The following RUNX1 variants were observed in gnomAD, a reference collection of about 807,000 sequenced individuals.
The protein encoded by RUNX1 is runt-related transcription factor 1.
A neutral mutation model predicts 42.8 loss-of-function variants in RUNX1; 19 were observed. That is an observed-to-expected ratio of 0.44 (90% CI 0.31 to 0.65). The LOEUF is 0.65. RUNX1 is among the 30% of genes least tolerant of loss of function. The pLI is 0.07. For missense variants in RUNX1, 528 were observed against 672.0 expected (o/e 0.79, Z 2.37); for synonymous variants, 271 against 289.4 (o/e 0.94, Z 0.64).
intron 3 of RUNX1, among the ~76,000 whole-genome samples, chr21:34,889,248 G>A (rs943046926): frequency 2.0e-5 from 3 of 152,064 alleles, no homozygotes; most frequent in Non-Finnish European, 4.4e-5. Context: ...GCGGGGCCCG[G>A]GGGAGCCACT....
intron 2 of RUNX1, among the ~76,000 whole-genome samples, chr21:35,026,382 A>G (rs1456638389): frequency 6.6e-6 from 1 of 152,190 alleles, no homozygotes; most frequent in Non-Finnish European, 1.5e-5. Flanking sequence ...ATTGATAATT[A>G]GTTATTCACC....
At chr21:34,982,434 AAG>A (rs2058853866) in intron 2 of RUNX1, among the ~76,000 whole-genome samples, 1 of 127,760 alleles carries the variant, frequency 7.8e-6, no homozygotes, top group East Asian at 2.2e-4. Context: ...AAGAAAGAGA[AAG>A]AAAGGGAAGG....
At chr21:34,847,118 T>C (rs2057328930) in intron 6 of RUNX1, among the ~76,000 whole-genome samples, 1 of 152,210 alleles carries the variant, frequency 6.6e-6, no homozygotes, top group African/African-American at 2.4e-5. Context: ...GAGCATTTCA[T>C]TGAAAGAAAA....
chr21:34,870,845 C>G (rs1472883345), intron 5 of RUNX1, among the ~76,000 whole-genome samples: 6 of 152,138 alleles, frequency 3.9e-5, no homozygotes, highest in Non-Finnish European at 8.8e-5. Context: ...GTAATCCCAG[C>G]TACTTGGGAG....
intron 2 of RUNX1, among the ~76,000 whole-genome samples, chr21:34,950,810 T>C (rs1296611394): frequency 6.6e-6 from 1 of 152,234 alleles, no homozygotes; most frequent in East Asian, 1.9e-4. Context: ...AGAGTACCTG[T>C]GGATGGCCCC....
chr21:34,979,212 A>C (rs1314817623), intron 2 of RUNX1, among the ~76,000 whole-genome samples: 1 of 152,142 alleles, frequency 6.6e-6, no homozygotes, highest in Non-Finnish European at 1.5e-5. Context: ...GAATAAGAGA[A>C]AGAGTCTTTT....
At chr21:35,049,076 T>C (rs981582704) in intron 1 of RUNX1, 92 bp downstream of exon 1, 2 of 600,960 alleles carry the variant, frequency 3.3e-6, no homozygotes, top group Admixed American at 5.7e-5. Flanking sequence ...TATTAAAAAA[T>C]GCACCTTTGT....
intron 2 of RUNX1, among the ~76,000 whole-genome samples, chr21:34,920,823 T>TAA (rs1172719627): frequency 7.9e-5 from 12 of 152,162 alleles, no homozygotes; most frequent in Admixed American, 6.5e-4. Flanking sequence ...CATATATATA[T>TAA]AACATAAAAT....
At chr21:34,928,436 G>A (rs574292618) in intron 2 of RUNX1, among the ~76,000 whole-genome samples, 1 of 152,278 alleles carries the variant, frequency 6.6e-6, no homozygotes, top group African/African-American at 2.4e-5. Flanking sequence ...GCTCACACCT[G>A]TAATACAAGC....
At chr21:34,903,656 T>C (rs1205178468) in intron 2 of RUNX1, among the ~76,000 whole-genome samples, 1 of 152,210 alleles carries the variant, frequency 6.6e-6, no homozygotes, top group African/African-American at 2.4e-5. Context: ...CATTTGTCAA[T>C]TAAATAATAA....
intron 2 of RUNX1, among the ~76,000 whole-genome samples, chr21:35,013,870 T>C (rs951529126): frequency 4.6e-5 from 7 of 152,240 alleles, no homozygotes; most frequent in African/African-American, 7.2e-5. Context: ...TACTGTGTTA[T>C]AGAAATTCAT....
At chr21:34,810,997 C>G (rs1186180630) in intron 7 of RUNX1, among the ~76,000 whole-genome samples, 2 of 152,290 alleles carry the variant, frequency 1.3e-5, no homozygotes, top group East Asian at 3.9e-4. Context: ...GAGCAGCAGC[C>G]TCCTCCTTCA....
intron 7 of RUNX1, among the ~76,000 whole-genome samples, chr21:34,815,983 C>A (rs1279745632): frequency 6.6e-6 from 1 of 152,046 alleles, no homozygotes; most frequent in Non-Finnish European, 1.5e-5. Context: ...TAGGCTCCTC[C>A]TCATCACAAA....
At chr21:34,881,769 C>T in intron 4 of RUNX1, among the ~76,000 whole-genome samples, 1 of 152,172 alleles carries the variant, frequency 6.6e-6, no homozygotes, top group East Asian at 1.9e-4. Context: ...CTCTGAAAAG[C>T]ATGACCTAAA....
intron 2 of RUNX1, among the ~76,000 whole-genome samples, chr21:35,028,683 T>C (rs558196404): frequency 6.6e-6 from 1 of 152,380 alleles, no homozygotes; most frequent in Non-Finnish European, 1.5e-5. Flanking sequence ...GTAAGTTCTC[T>C]GAAGCCATTT....
intron 7 of RUNX1, among the ~76,000 whole-genome samples, chr21:34,818,973 G>A (rs1202008184): frequency 2.0e-5 from 3 of 152,186 alleles, no homozygotes; most frequent in African/African-American, 7.2e-5. Flanking sequence ...TCCAAGCTGG[G>A]GAGGAGGGGA....
intron 2 of RUNX1, among the ~76,000 whole-genome samples, chr21:35,029,052 G>A (rs968925682): frequency 1.3e-5 from 2 of 152,182 alleles, no homozygotes; most frequent in East Asian, 3.9e-4. Context: ...TGAGCCAAAC[G>A]ATGGATGCTT....
In RUNX1 at chr21:34,847,012, C is replaced by T. The variant is rs112069701; in HGVS notation, c.614-12411G>A. ...TGAAATCAAATCCAGAAATCTCAGG[C>T]GAGCAGCATATATAAAAAGCCACAG... On this transcript the variant is annotated intron_variant, in intron 6 of 8. Coordinates refer to ENST00000675419, the MANE Select transcript of RUNX1 (RefSeq NM_001754.5). 1.2e-4 allele frequency among the ~76,000 whole-genome samples: 18 copies of T among 152,206 alleles called. 1 individual carries two copies. The highest frequency in any genetic ancestry group is 6.2e-4 in the South Asian group (3 of 4,820).
intron 2 of RUNX1, among the ~76,000 whole-genome samples, chr21:35,002,687 C>T (rs2059055445): frequency 6.6e-6 from 1 of 152,104 alleles, no homozygotes; most frequent in Non-Finnish European, 1.5e-5. Flanking sequence ...CTTGCCCTCC[C>T]AAACTGCTGG....
Sources: gnomAD v4.1 joint callset for allele counts (sites outside exome capture counted in the v4.1 genomes callset) on GRCh38, gnomAD v4.1.1 for gene constraint, MANE v1.5 for transcripts, NCBI Gene and HGNC (gene_info 2026-07-23, HGNC 2026-07-21) for gene names.